The following IQGAP1 variants were observed in gnomAD, a reference collection of about 807,000 sequenced individuals.
IQGAP1 encodes ras GTPase-activating-like protein IQGAP1.
IQGAP1 carries 66 observed loss-of-function variants against 215.6 expected under a neutral mutation model. The ratio of observed to expected loss-of-function variants is 0.31; its 90% CI spans 0.25 to 0.38. The LOEUF is 0.38. IQGAP1 is among the 10% of genes least tolerant of loss of function. The pLI is 1.00. For missense variants in IQGAP1, 1,712 were observed against 1,997.1 expected (o/e 0.86, Z 2.72); for synonymous variants, 772 against 728.7 (o/e 1.06, Z -0.96).
At position 90,395,609 on chromosome 15, in the gene IQGAP1, T is replaced by C. The variant is rs2601196; in HGVS notation, c.155+4736T>C. On this transcript the variant is annotated intron_variant, in intron 2 of 37. Transcript: ENST00000268182. ...TGCTGGGATTACAGGCGTGAGCCAC[T>C]GCGCCCGGCCGGCTAAAGAGCAGTT... Among the ~76,000 whole-genome samples the C allele has an allele frequency of 2.6e-3, 396 of 152,302 alleles. 6 individuals carry two copies. The highest frequency in any genetic ancestry group is 0.017 in the Admixed American group (267 of 15,302).
Position 90,448,635 on chromosome 15 carries a change from A to T in IQGAP1, c.976A>T (p.Arg326Trp). Residue 326 changes from arginine to tryptophan, a missense_variant, in exon 10 of 38, where the codon AGG becomes TGG. By Grantham distance (101) the Arg-to-Trp change is moderately radical (BLOSUM62 -3). Around this residue, in one of 2 missense-constraint regions of IQGAP1, gnomAD observed 1,021 missense variants for 1,074.2 expected, o/e 0.95. Transcript: ENST00000268182. Reference protein sequence around the residue: ...LEQGDALALFRALQSPALGLR... With the variant: ...LEQGDALALFWALQSPALGLR... ...ACAAGGAGATGCACTGGCCTTGTTC[A>T]GGGCTCTGCAGTCACCAGCCCTGGG... 6.2e-7 allele frequency: 1 copy of T among 1,611,642 alleles called. No homozygotes were observed. Among genetic ancestry groups the T allele is most frequent in the South Asian group, 1.1e-5 (1 of 90,538 alleles).
At chr15:90,478,826 T>C (rs1966015666) in intron 26 of IQGAP1, among the ~76,000 whole-genome samples, 1 of 152,062 alleles carries the variant, frequency 6.6e-6, no homozygotes, top group Admixed American at 6.5e-5. Context: ...AAGAAAACGG[T>C]GTGGAGTGAG....
At chr15:90,412,321 C>G (rs907317335) in intron 2 of IQGAP1, among the ~76,000 whole-genome samples, 2 of 152,052 alleles carry the variant, frequency 1.3e-5, no homozygotes, top group African/African-American at 4.8e-5. Flanking sequence ...AAAAACAAGC[C>G]TTTTTTGTTC....
intron 16 of IQGAP1, 25 bp downstream of exon 16, chr15:90,466,116 G>C: frequency 6.2e-7 from 1 of 1,609,996 alleles, no homozygotes; most frequent in Non-Finnish European, 8.5e-7. Flanking sequence ...TTTTATTTCT[G>C]TTTTGGTGGA....
chr15:90,403,037 G>A (rs1026694426), intron 2 of IQGAP1, among the ~76,000 whole-genome samples: 3 of 152,142 alleles, frequency 2.0e-5, no homozygotes, highest in Non-Finnish European at 2.9e-5. Flanking sequence ...TACGGAGGCC[G>A]AGGAGGGAGG....
chr15:90,454,527 C>T lies in IQGAP1; in HGVS notation c.1587C>T (p.Asn529=). 1.3e-6 allele frequency: 2 copies of T among 1,595,276 alleles called. No homozygotes were observed. The highest frequency in any genetic ancestry group is 1.7e-6 in the Non-Finnish European group (2 of 1,171,776). The change falls in exon 14 of 38, where the codon AAC becomes AAT. Residue 529 remains asparagine, a synonymous_variant. Transcript: ENST00000268182. ...NDIQACVDHV[N]LVVQEEHERI... The stretch of plus-strand genomic sequence containing the variant: ...TCCAAGCTTGCGTGGACCATGTGAA[C>T]CTGGTGGTGCAAGAGGAACATGAGA...
At chr15:90,413,874 C>T (rs913219011) in intron 2 of IQGAP1, among the ~76,000 whole-genome samples, 4 of 152,092 alleles carry the variant, frequency 2.6e-5, no homozygotes, top group Admixed American at 1.3e-4. Context: ...ACATGTCATT[C>T]TTGGTTTTTC....
intron 2 of IQGAP1, among the ~76,000 whole-genome samples, chr15:90,420,490 T>G (rs2151011407): frequency 6.6e-6 from 1 of 152,304 alleles, no homozygotes; most frequent in African/African-American, 2.4e-5. Context: ...TTACCTTGAA[T>G]GTTTGATTCT....
intron 37 of IQGAP1, 66 bp from the exon 38 acceptor site, chr15:90,499,928 TC>T: frequency 2.8e-6 from 3 of 1,073,680 alleles, no homozygotes; most frequent in Non-Finnish European, 4.3e-6. Flanking sequence ...GTGTCCTTTT[TC>T]CTTGTTCCAC....
At chr15:90,494,573 T>G (rs545583163) in intron 35 of IQGAP1, 140 bp from the exon 36 acceptor site, 1 of 570,322 alleles carries the variant, frequency 1.8e-6, no homozygotes, top group Non-Finnish European at 3.0e-6. Context: ...TTCTAACATT[T>G]GTTTGCCATT....
chr15:90,401,863 A>G (rs906724508), intron 2 of IQGAP1, among the ~76,000 whole-genome samples: 2 of 152,230 alleles, frequency 1.3e-5, no homozygotes, highest in South Asian at 4.1e-4. Context: ...CAGAATGATG[A>G]TGAAATTTAC....
intron 10 of IQGAP1, among the ~76,000 whole-genome samples, chr15:90,449,074 A>T (rs1427973570): frequency 6.6e-6 from 1 of 151,324 alleles, no homozygotes; most frequent in East Asian, 1.9e-4. Flanking sequence ...TTTGCACTTT[A>T]AAAAAAAACT....
intron 8 of IQGAP1, among the ~76,000 whole-genome samples, chr15:90,442,821 A>T (rs2151019932): frequency 1.3e-5 from 2 of 152,204 alleles, no homozygotes; most frequent in South Asian, 4.2e-4. Flanking sequence ...ATACCAAAAA[A>T]ATTAACTGGG....
In IQGAP1 at chr15:90,466,418, A is replaced by G; in HGVS notation, c.2017A>G (p.Lys673Glu). The part of the protein sequence containing the change: ...TYHSDLAEAK[K>E]KKLAVGDNNS... ...CCACAGTGATCTTGCTGAAGCCAAG[A>G]AGAAAAAACTGGCAGTAGGTGAGTT... is the stretch of plus-strand genomic sequence containing the variant. The change falls in exon 17 of 38, where the codon AAG becomes GAG. Residue 673 changes from lysine (K) to glutamate (E), a missense_variant. Coordinates refer to ENST00000268182, the MANE Select transcript of IQGAP1 (RefSeq NM_003870.4). The G allele has an allele frequency of 6.2e-7, 1 of 1,614,168 alleles. No homozygotes were observed. The highest frequency in any genetic ancestry group is 1.7e-5 in the Admixed American group (1 of 60,012).
At position 90,448,562 on chromosome 15, in the gene IQGAP1, T is replaced by G; in HGVS notation, c.914-11T>G. ...ATAGTCCTTTCACAAGCTTTTGCCT[T>G]TTTTCCTCAGCATTTTCTGCATTAG... On this transcript the variant is annotated splice_polypyrimidine_tract_variant and intron_variant, in intron 9 of 37. Coordinates refer to ENST00000268182, the MANE Select transcript of IQGAP1 (RefSeq NM_003870.4). 6.4e-7 allele frequency: 1 copy of G among 1,561,042 alleles called. No individual in the cohort carries two copies. The highest frequency in any genetic ancestry group is 8.7e-7 in the Non-Finnish European group (1 of 1,153,978).
chr15:90,424,480 T>C (rs966031998), intron 2 of IQGAP1, among the ~76,000 whole-genome samples: 9 of 152,240 alleles, frequency 5.9e-5, no homozygotes, highest in Non-Finnish European at 1.2e-4. Flanking sequence ...GGCCCATTCA[T>C]ATACCCATCA....
intron 2 of IQGAP1, among the ~76,000 whole-genome samples, chr15:90,418,249 G>A (rs1000507207): frequency 9.9e-5 from 15 of 151,580 alleles, no homozygotes; most frequent in African/African-American, 3.4e-4. Context: ...AAAATACTTA[G>A]GAAAAAAACT....
At chr15:90,415,895 A>G (rs185769827) in intron 2 of IQGAP1, among the ~76,000 whole-genome samples, 1 of 152,258 alleles carries the variant, frequency 6.6e-6, no homozygotes, top group East Asian at 1.9e-4. Flanking sequence ...TGCAGGTTAG[A>G]TTACTAATCC....
At chr15:90,437,286 C>T (rs893076203) in intron 5 of IQGAP1, among the ~76,000 whole-genome samples, 1 of 152,192 alleles carries the variant, frequency 6.6e-6, no homozygotes, top group African/African-American at 2.4e-5. Flanking sequence ...CACCTCTCAC[C>T]AGGCCCCCAC....
Sources: allele counts gnomAD v4.1 joint callset (sites outside exome capture counted in the v4.1 genomes callset), GRCh38; gene constraint gnomAD v4.1.1; regional missense constraint gnomAD v4.1.1; transcripts MANE v1.5; gene names NCBI Gene and HGNC (gene_info 2026-07-23, HGNC 2026-07-21).